PDE4D: variants seen among roughly 807,000 people sequenced by gnomAD.
The protein encoded by PDE4D is phosphodiesterase 4D.
PDE4D carries 24 observed loss-of-function variants against 87.4 expected under a neutral mutation model. The ratio of observed to expected loss-of-function variants is 0.27; its 90% CI spans 0.20 to 0.39. PDE4D has a LOEUF of 0.39. Ranked by LOEUF, PDE4D falls within the 10% of genes least tolerant of loss-of-function variation. The probability of loss-of-function intolerance (pLI) is 1.00; values close to 1 mark genes in which losing one functional copy is unlikely to be tolerated. For missense variants in PDE4D, 714 were observed against 1,041.0 expected (o/e 0.69, Z 4.32); for synonymous variants, 384 against 383.2 (o/e 1.00, Z -0.02).
intron 1 of PDE4D, among the ~76,000 whole-genome samples, chr5:59,576,451 T>C (rs756762377): frequency 1.3e-5 from 2 of 151,788 alleles, no homozygotes; most frequent in Non-Finnish European, 2.9e-5. Context: ...AATAACATTA[T>C]TTGAAAAATA....
intron 5 of PDE4D, among the ~76,000 whole-genome samples, chr5:59,043,759 T>C (rs1011077250): frequency 1.3e-5 from 2 of 148,250 alleles, no homozygotes; most frequent in African/African-American, 4.9e-5. Flanking sequence ...CCTATGTCCA[T>C]GTGTTCGCAT....
At chr5:59,379,887 T>C (rs1785432508) in intron 1 of PDE4D, among the ~76,000 whole-genome samples, 1 of 152,072 alleles carries the variant, frequency 6.6e-6, no homozygotes, top group Non-Finnish European at 1.5e-5. Flanking sequence ...GTTACATGAG[T>C]ATATTGCGTG....
chr5:59,521,261 T>A (rs887385906), intron 1 of PDE4D, among the ~76,000 whole-genome samples: 1 of 152,026 alleles, frequency 6.6e-6, no homozygotes, highest in Admixed American at 6.6e-5. Flanking sequence ...GGAGCAGATA[T>A]CTTGTCTTTA....
chr5:59,192,828 A>G (rs146382229), intron 3 of PDE4D, among the ~76,000 whole-genome samples: 1 of 152,298 alleles, frequency 6.6e-6, no homozygotes, highest in African/African-American at 2.4e-5. Flanking sequence ...ACAGATCTCC[A>G]AATTTTTGGA....
intron 3 of PDE4D, among the ~76,000 whole-genome samples, chr5:59,971,602 C>T (rs1760775787): frequency 6.6e-6 from 1 of 152,078 alleles, no homozygotes; most frequent in African/African-American, 2.4e-5. Context: ...CAATGAAGCC[C>T]AGTCCTTGTC....
intron 5 of PDE4D, 166 bp from the exon 6 acceptor site, chr5:59,039,137 G>A: frequency 7.4e-7 from 1 of 1,360,056 alleles, no homozygotes; most frequent in Non-Finnish European, 9.5e-7. Context: ...CAACGGGGGC[G>A]GAGGCTGTGC....
At chr5:59,284,157 C>T (rs1028750716) in intron 1 of PDE4D, among the ~76,000 whole-genome samples, 13 of 152,140 alleles carry the variant, frequency 8.5e-5, no homozygotes, top group Admixed American at 1.3e-4. Flanking sequence ...ATCAGGACTA[C>T]GCCTCCCATC....
intron 1 of PDE4D, among the ~76,000 whole-genome samples, chr5:59,524,188 A>G (rs1354729529): frequency 6.6e-6 from 1 of 152,188 alleles, no homozygotes; most frequent in East Asian, 1.9e-4. Flanking sequence ...AAGACAGGAA[A>G]ATGTGGGAAA....
intron 1 of PDE4D, among the ~76,000 whole-genome samples, chr5:59,797,898 A>G (rs1203946922): frequency 6.6e-6 from 1 of 152,132 alleles, no homozygotes; most frequent in East Asian, 1.9e-4. Context: ...TATTTGTTGA[A>G]TGAATGAATG....
chr5:59,519,724 C>T (rs1348788762), intron 1 of PDE4D, among the ~76,000 whole-genome samples: 1 of 152,236 alleles, frequency 6.6e-6, no homozygotes, highest in Non-Finnish European at 1.5e-5. Flanking sequence ...GAACTAATTA[C>T]TGTTTTTGTA....
At position 60,218,982 on chromosome 5, in the gene PDE4D, T is replaced by A. The variant is rs920379557; in HGVS notation, c.-89-33295A>T. Among the ~76,000 whole-genome samples the A allele has an allele frequency of 3.7e-4, 57 of 152,114 alleles. 2 individuals carry two copies. Among genetic ancestry groups the A allele is most frequent in the Non-Finnish European group, 1.2e-4 (8 of 67,978 alleles). Reference sequence around the variant, plus strand: ...TCTTCTAAAAGCACCCTCAAATAATTATATTTTCTCTGTATTTTCAAATTA... The same window carrying A: ...TCTTCTAAAAGCACCCTCAAATAATAATATTTTCTCTGTATTTTCAAATTA... On this transcript the variant is annotated intron_variant, in intron 1 of 16. Transcript: ENST00000502484.
chr5:59,772,845 G>A (rs1462148069), intron 1 of PDE4D, among the ~76,000 whole-genome samples: 1 of 152,170 alleles, frequency 6.6e-6, no homozygotes, highest in Non-Finnish European at 1.5e-5. Context: ...TGGATAAGAA[G>A]GTATGGGTTA....
intron 1 of PDE4D, among the ~76,000 whole-genome samples, chr5:59,310,729 G>A (rs182234195): frequency 7.9e-5 from 12 of 152,244 alleles, no homozygotes; most frequent in Admixed American, 3.3e-4. Flanking sequence ...CCATTCCCAC[G>A]GGTGGCAGAT....
chr5:60,344,576 C>G (rs894098672), intron 1 of PDE4D, among the ~76,000 whole-genome samples: 1 of 152,084 alleles, frequency 6.6e-6, no homozygotes. Flanking sequence ...GCATTTTATC[C>G]TATAACCTAT....
At chr5:60,222,823 T>C (rs1028622251) in intron 1 of PDE4D, among the ~76,000 whole-genome samples, 1 of 152,130 alleles carries the variant, frequency 6.6e-6, no homozygotes, top group Admixed American at 6.6e-5. Context: ...GCATTAACCA[T>C]GGAACTTGGT....
intron 1 of PDE4D, among the ~76,000 whole-genome samples, chr5:60,280,405 T>TA (rs1265185640): frequency 1.3e-5 from 2 of 151,978 alleles, no homozygotes; most frequent in African/African-American, 4.8e-5. Context: ...AAGCTATGTA[T>TA]ACTCCATCTT....
intron 2 of PDE4D, among the ~76,000 whole-genome samples, chr5:60,019,080 T>C (rs887729954): frequency 1.3e-5 from 2 of 152,154 alleles, no homozygotes; most frequent in African/African-American, 4.8e-5. Context: ...ATCACATAAT[T>C]GGAAGTAAAA....
At chr5:59,991,220 C>T (rs1184650953) in intron 2 of PDE4D, among the ~76,000 whole-genome samples, 1 of 152,008 alleles carries the variant, frequency 6.6e-6, no homozygotes, top group African/African-American at 2.4e-5. Flanking sequence ...TTAAGAGGTG[C>T]CATTGGTTGT....
intron 1 of PDE4D, among the ~76,000 whole-genome samples, chr5:60,322,380 ACACACACACACAC>A (rs1756368292): frequency 9.8e-6 from 1 of 101,648 alleles, no homozygotes; most frequent in Non-Finnish European, 2.0e-5. Flanking sequence ...ACACACACAC[ACACACACACACAC>A]ACACACACAC....
Sources: allele counts gnomAD v4.1 joint callset (sites outside exome capture counted in the v4.1 genomes callset), GRCh38; gene constraint gnomAD v4.1.1; transcripts MANE v1.5; gene names NCBI Gene and HGNC (gene_info 2026-07-23, HGNC 2026-07-21).